GAB2: variants seen among roughly 807,000 people sequenced by gnomAD.
GAB2 encodes the protein GRB2 associated binding protein 2, also known as GRB2-associated-binding protein 2.
A neutral mutation model predicts 65.5 loss-of-function variants in GAB2; 26 were observed. The observed-to-expected ratio is 0.40, with a 90% confidence interval of 0.29 to 0.55. The LOEUF (loss-of-function observed/expected upper bound fraction) is 0.55. GAB2 is among the 20% of genes least tolerant of loss of function. GAB2 has a pLI of 0.53. For missense variants in GAB2, 884 were observed against 875.8 expected (o/e 1.01, Z -0.12); for synonymous variants, 321 against 329.6 (o/e 0.97, Z 0.28).
At chr11:78,294,725 T>G (rs1013493925) in intron 1 of GAB2, among the ~76,000 whole-genome samples, 2 of 152,264 alleles carry the variant, frequency 1.3e-5, no homozygotes, top group African/African-American at 4.8e-5. Flanking sequence ...TTACACCTTA[T>G]ACAAAAATTA....
intron 1 of GAB2, among the ~76,000 whole-genome samples, chr11:78,294,056 A>G (rs1254689879): frequency 6.6e-6 from 1 of 152,026 alleles, no homozygotes; most frequent in Non-Finnish European, 1.5e-5. Context: ...TCCTAATGCT[A>G]TCCCCTCCCC....
chr11:78,400,402 A>G (rs1856953855), intron 1 of GAB2, among the ~76,000 whole-genome samples: 1 of 152,236 alleles, frequency 6.6e-6, no homozygotes, highest in Admixed American at 6.5e-5. Context: ...TCTAGTCTGC[A>G]AATGCCTTGA....
intron 1 of GAB2, among the ~76,000 whole-genome samples, chr11:78,312,346 C>G (rs1433349830): frequency 1.3e-5 from 2 of 152,172 alleles, no homozygotes; most frequent in African/African-American, 2.4e-5. Flanking sequence ...TTGGGCCAGG[C>G]ACTCTCCTAA....
At chr11:78,288,820 T>C (rs766918173) in intron 1 of GAB2, among the ~76,000 whole-genome samples, 3 of 152,220 alleles carry the variant, frequency 2.0e-5, no homozygotes, top group African/African-American at 7.2e-5. Flanking sequence ...GTACGTAAGA[T>C]TGTTCTAAAA....
At chr11:78,363,684 A>ATAAGC (rs1280483589) in intron 1 of GAB2, among the ~76,000 whole-genome samples, 1 of 150,786 alleles carries the variant, frequency 6.6e-6, no homozygotes, top group African/African-American at 2.4e-5. Context: ...TCCCAGGCTT[A>ATAAGC]GGCAATCCTC....
intron 1 of GAB2, among the ~76,000 whole-genome samples, chr11:78,391,704 G>C (rs979791802): frequency 1.3e-5 from 2 of 152,190 alleles, no homozygotes; most frequent in Admixed American, 6.5e-5. Context: ...CCAGTTCCTA[G>C]CAGTCAAGTC....
chr11:78,414,127 T>C (rs1314526865), intron 1 of GAB2, among the ~76,000 whole-genome samples: 2 of 149,668 alleles, frequency 1.3e-5, no homozygotes, highest in East Asian at 1.9e-4. Context: ...AAAGGAACTA[T>C]GCAGATACAA....
intron 1 of GAB2, among the ~76,000 whole-genome samples, chr11:78,373,469 C>T (rs766737918): frequency 6.6e-6 from 1 of 152,012 alleles, no homozygotes; most frequent in Non-Finnish European, 1.5e-5. Context: ...GACTACTGAC[C>T]TCAGGTGATC....
intron 2 of GAB2, among the ~76,000 whole-genome samples, chr11:78,268,718 G>C (rs1382511063): frequency 6.6e-6 from 1 of 150,760 alleles, no homozygotes; most frequent in Non-Finnish European, 1.5e-5. Flanking sequence ...GGGTGGTGAG[G>C]GGGAGTGTCT....
At chr11:78,336,260 G>A (rs1208696452) in intron 1 of GAB2, among the ~76,000 whole-genome samples, 1 of 132,012 alleles carries the variant, frequency 7.6e-6, no homozygotes, top group East Asian at 2.4e-4. Context: ...GTTGCAGTGA[G>A]CCAAGATCGC....
intron 1 of GAB2, among the ~76,000 whole-genome samples, chr11:78,314,722 G>A (rs924725440): frequency 4.6e-5 from 7 of 152,186 alleles, no homozygotes; most frequent in African/African-American, 7.2e-5. Flanking sequence ...TTTAAATCCC[G>A]GAAGGTAAGA....
chr11:78,342,355 A>G (rs1481864208), intron 1 of GAB2, among the ~76,000 whole-genome samples: 1 of 151,908 alleles, frequency 6.6e-6, no homozygotes, highest in East Asian at 1.9e-4. Context: ...CTTGATCTTT[A>G]AAATACAATA....
chr11:78,254,486 A>C (rs1192426800), intron 2 of GAB2, among the ~76,000 whole-genome samples: 1 of 152,200 alleles, frequency 6.6e-6, no homozygotes, highest in East Asian at 1.9e-4. Context: ...TGTCAATGAA[A>C]CTAGCCAGCT....
rs1591062795 is a variant in GAB2 at position 78,356,859 on chromosome 11, A to G, written c.75+60787T>C. The stretch of plus-strand genomic sequence containing the variant: ...TTCTGAAATGTTACAATATGGATGA[A>G]TTTTGAAGACTTACGCTAAGTGAAA... On this transcript the variant is annotated intron_variant, in intron 1 of 9. Transcript: ENST00000361507. 2.0e-5 allele frequency among the ~76,000 whole-genome samples: 3 copies of G among 152,356 alleles called. No individual in the cohort carries two copies. In the Middle Eastern group the frequency reaches 0.01, roughly 518 times the overall value.
chr11:78,417,624 G>A (rs771625767), intron 1 of GAB2, 22 bp downstream of exon 1: 16 of 1,304,798 alleles, frequency 1.2e-5, no homozygotes, highest in Middle Eastern at 5.7e-4. Flanking sequence ...GCCCGCCCCT[G>A]GGCGGCCGCG....
chr11:78,301,259 G>C (rs1867009965), intron 1 of GAB2, among the ~76,000 whole-genome samples: 1 of 151,516 alleles, frequency 6.6e-6, no homozygotes, highest in Non-Finnish European at 1.5e-5. Flanking sequence ...TTTCTTTTTT[G>C]GAATTTAAAT....
At chr11:78,395,956 T>C (rs1856890281) in intron 1 of GAB2, among the ~76,000 whole-genome samples, 1 of 152,226 alleles carries the variant, frequency 6.6e-6, no homozygotes. Flanking sequence ...CATTTCTTTT[T>C]TCAATCTTGA....
At chr11:78,332,001 C>T (rs1437329461) in intron 1 of GAB2, among the ~76,000 whole-genome samples, 1 of 152,190 alleles carries the variant, frequency 6.6e-6, no homozygotes, top group Non-Finnish European at 1.5e-5. Flanking sequence ...GGCAGACACA[C>T]ACCAAGGGCT....
intron 1 of GAB2, among the ~76,000 whole-genome samples, chr11:78,309,981 C>CGCGCGCG (rs1855461701): frequency 1.5e-5 from 2 of 135,824 alleles, no homozygotes; most frequent in African/African-American, 6.7e-5. Context: ...TGCGCGCGCG[C>CGCGCGCG]CTGTGTGTGT....
Sources: gnomAD v4.1 joint callset for allele counts (sites outside exome capture counted in the v4.1 genomes callset) on GRCh38, gnomAD v4.1.1 for gene constraint, MANE v1.5 for transcripts, NCBI Gene and HGNC (gene_info 2026-07-23, HGNC 2026-07-21) for gene names.